Variants in EP300 observed in about 807,000 individuals in gnomAD.
EP300 encodes the protein EP300 lysine acetyltransferase.
EP300 carries 31 observed loss-of-function variants against 264.0 expected under a neutral mutation model. That is an observed-to-expected ratio of 0.12 (90% CI 0.09 to 0.16). EP300 has a LOEUF of 0.16. EP300 is among the 10% of genes least tolerant of loss of function. The pLI is 1.00. For missense variants in EP300, 2,766 were observed against 3,052.9 expected (o/e 0.91, Z 2.21); for synonymous variants, 1,340 against 1,045.4 (o/e 1.28, Z -5.44).
rs869304891 is a variant in EP300, at chr22:41,154,376, C to CTTTTTTTTTTTT, written c.3143-607_3143-596dup. On this transcript the variant is annotated intron_variant, in intron 16 of 30. Transcript: ENST00000263253. The stretch of plus-strand genomic sequence containing the variant: ...TCTTAACACGAGTATCTTGTGCACT[C>CTTTTTTTTTTTT]TTTTTTTTTTTTTTTTTTTTTTTGA... 6.0e-4 allele frequency among the ~76,000 whole-genome samples: 37 copies of CTTTTTTTTTTTT among 61,792 alleles called. 8 individuals are homozygous for CTTTTTTTTTTTT. Among genetic ancestry groups the CTTTTTTTTTTTT allele is most frequent in the Admixed American group, 2.8e-3 (8 of 2,884 alleles). The allele number at this position is 61,792 out of a possible 152,430, so 40.5% of individuals were successfully genotyped here.
intron 1 of EP300, among the ~76,000 whole-genome samples, chr22:41,099,284 C>T (rs1397822884): frequency 6.6e-6 from 1 of 151,932 alleles, no homozygotes; most frequent in South Asian, 2.1e-4. Flanking sequence ...CCACCCACCT[C>T]GGCCTCCCAA....
intron 13 of EP300, 32 bp from the exon 14 acceptor site, chr22:41,149,728 AT>A (rs1176151959): frequency 6.2e-7 from 1 of 1,606,286 alleles, no homozygotes; most frequent in East Asian, 2.2e-5. Context: ...TCTGTTCTGA[AT>A]TGCTGTCTTG....
intron 1 of EP300, among the ~76,000 whole-genome samples, chr22:41,111,627 C>T (rs9611498): frequency 6.6e-6 from 1 of 152,080 alleles, no homozygotes; most frequent in African/African-American, 2.4e-5. Context: ...ACCACAACCT[C>T]TGCCTCCCAA....
intron 29 of EP300, 30 bp from the exon 30 acceptor site, chr22:41,176,217 C>G (rs1370137469): frequency 6.2e-7 from 1 of 1,613,570 alleles, no homozygotes; most frequent in Non-Finnish European, 8.5e-7. Flanking sequence ...GAGGCCCTGT[C>G]TCAAAAAAAA....
intron 8 of EP300, among the ~76,000 whole-genome samples, chr22:41,138,406 C>T (rs1334122767): frequency 1.3e-5 from 2 of 152,110 alleles, no homozygotes; most frequent in Non-Finnish European, 1.5e-5. Flanking sequence ...TCAAGTGATC[C>T]GCCTGCCTCA....
In EP300 at chr22:41,179,877, CACTCACACACACA is replaced by C. The variant is rs747125987; in HGVS notation, c.*922_*934del. The C allele has an allele frequency of 5.5e-5, 8 of 145,728 alleles. 1 individual carries two copies. Among genetic ancestry groups the C allele is most frequent in the East Asian group, 4.7e-4 (5 of 10,734 alleles). 9.0% of individuals were successfully genotyped at this position (145,728 alleles called of 1,614,324 possible). A position where few individuals can be genotyped will look rare whatever the true frequency, so the allele number is the denominator to read the frequency against. On this transcript the variant is annotated 3_prime_UTR_variant, in exon 31 of 31. Transcript: ENST00000263253. ...CTTTCTTCCTCCTTACCCTACCCCC[CACTCACACACACA>C]CACACACACACACACACACACACAC...
At chr22:41,095,948 TCTC>T (rs1210156924) in intron 1 of EP300, among the ~76,000 whole-genome samples, 2 of 152,198 alleles carry the variant, frequency 1.3e-5, no homozygotes, top group Non-Finnish European at 2.9e-5. Context: ...ACTCAGATAT[TCTC>T]CTAAAAAATT....
At chr22:41,132,964 C>A (rs181080599) in intron 6 of EP300, among the ~76,000 whole-genome samples, 2 of 152,248 alleles carry the variant, frequency 1.3e-5, no homozygotes, top group African/African-American at 4.8e-5. Flanking sequence ...TTTTCTGTGT[C>A]TATCCCTCTG....
chr22:41,179,641 G>T lies in EP300; in HGVS notation c.*685G>T. On this transcript the variant is annotated 3_prime_UTR_variant, in exon 31 of 31. Coordinates refer to ENST00000263253, the MANE Select transcript of EP300 (RefSeq NM_001429.4). ...AAAACTTCAAGTATTAAAATAATTT[G>T]TACATGTAGAGAGAAAAATGACTTT... is the stretch of plus-strand genomic sequence containing the variant. 3 of 218,494 alleles carry T rather than the reference G, an allele frequency of 1.4e-5. No homozygotes were observed. The highest frequency in any genetic ancestry group is 2.3e-5 in the African/African-American group (1 of 44,214). 13.5% of individuals were successfully genotyped at this position (218,494 alleles called of 1,614,324 possible).
chr22:41,104,389 A>G (rs2058747167), intron 1 of EP300, among the ~76,000 whole-genome samples: 1 of 151,768 alleles, frequency 6.6e-6, no homozygotes, highest in Non-Finnish European at 1.5e-5. Flanking sequence ...TCCCCGGTTC[A>G]AGTGATTTTC....
Position 41,128,897 on chromosome 22 carries a change from G to A in EP300, c.1169-993G>A, listed in dbSNP as rs185144254. ...TGCATCATCACAGTTAACTCACTCGGTAAAGGTCGTCTTGGCTGCGTCCAT... is the reference window on the plus strand; with the variant it reads ...TGCATCATCACAGTTAACTCACTCGATAAAGGTCGTCTTGGCTGCGTCCAT... On this transcript the variant is annotated intron_variant, in intron 4 of 30. Transcript: ENST00000263253. Among the ~76,000 whole-genome samples the A allele has an allele frequency of 3.9e-5, 6 of 152,236 alleles. No homozygotes were observed. The East Asian group carries it at 7.7e-4, about 20-fold the overall frequency.
At chr22:41,101,429 T>G (rs1257109547) in intron 1 of EP300, among the ~76,000 whole-genome samples, 1 of 149,080 alleles carries the variant, frequency 6.7e-6, no homozygotes, top group African/African-American at 2.5e-5. Context: ...TTTTTTTTTT[T>G]GAGACGGAGT....
chr22:41,169,733 C>G (rs777906944), intron 26 of EP300, 117 bp downstream of exon 26: 10 of 686,154 alleles, frequency 1.5e-5, no homozygotes, highest in East Asian at 8.2e-5. Context: ...TTAGTTCTTA[C>G]GTAACAATTC....
At position 41,178,894 on chromosome 22, in the gene EP300, C is replaced by G. The variant is rs773300219; in HGVS notation, c.7183C>G (p.Leu2395Val). 1 of 1,614,216 alleles carries G rather than the reference C, an allele frequency of 6.2e-7. No individual in the cohort carries two copies. The highest frequency in any genetic ancestry group is 8.5e-7 in the Non-Finnish European group (1 of 1,180,052). Residue 2395 changes from leucine to valine, a missense_variant, in exon 31 of 31, where the codon CTC (leucine) becomes GTC (valine). Leu to Val is a conservative substitution (Grantham distance 32, BLOSUM62 1). Transcript: ENST00000263253. ...LHGASATDLG[L>V]STDNSDLNSN... ...TGGTGCAAGCGCCACGGACCTGGGA[C>G]TCAGCACCGATAACTCAGACTTGAA... is the stretch of plus-strand genomic sequence containing the variant.
Position 41,176,297 on chromosome 22 carries a change from T to A in EP300, c.4830T>A (p.Pro1610=), listed in dbSNP as rs1295722602. The change falls in exon 30 of 31, where the codon CCT becomes CCA. Residue 1610 remains proline (P), a synonymous_variant. Transcript: ENST00000263253. The part of the protein sequence containing the change: ...LIAGPAANSL[P]PIVDPDPLIP... ...CTGGCCCTGCTGCCAACTCCCTGCC[T>A]CCCATTGTTGATCCTGATCCTCTCA... 1 of 1,614,188 alleles carries A rather than the reference T, an allele frequency of 6.2e-7. No individual in the cohort carries two copies. Among genetic ancestry groups the A allele is most frequent in the East Asian group, 2.2e-5 (1 of 44,890 alleles).
intron 21 of EP300, among the ~76,000 whole-genome samples, chr22:41,163,434 CAAAAAA>C (rs763502729): frequency 2.2e-5 from 1 of 44,998 alleles, no homozygotes; most frequent in Non-Finnish European, 4.5e-5. Flanking sequence ...GACTCCGTCT[CAAAAAA>C]AAAAAAAAAA....
chr22:41,122,190 A>C (rs1344508329), intron 2 of EP300, among the ~76,000 whole-genome samples: 1 of 94,676 alleles, frequency 1.1e-5, no homozygotes, highest in African/African-American at 4.2e-5. Flanking sequence ...TTGGAGACAG[A>C]GTTTCGTTCT....
intron 2 of EP300, among the ~76,000 whole-genome samples, chr22:41,119,477 C>G (rs1035130400): frequency 3.3e-5 from 5 of 151,992 alleles, no homozygotes; most frequent in Non-Finnish European, 5.9e-5. Flanking sequence ...TATTCTGTTA[C>G]GGAGAGGAGG....
Position 41,177,635 on chromosome 22 carries a change from G to T in EP300, c.5924G>T (p.Gly1975Val), listed in dbSNP as rs1273051199. The part of the protein sequence containing the change: ...MGMNPPPMTR[G>V]PSGHLEPGMG... ...ATGAACCCACCTCCCATGACCAGAGGTCCCAGTGGGCATTTGGAGCCAGGG... is the reference window on the plus strand; with the variant it reads ...ATGAACCCACCTCCCATGACCAGAGTTCCCAGTGGGCATTTGGAGCCAGGG... The change falls in exon 31 of 31, where the codon GGT (glycine) becomes GTT (valine). Residue 1975 changes from glycine to valine, a missense_variant. Transcript: ENST00000263253. The T allele has an allele frequency of 6.2e-7, 1 of 1,614,112 alleles. No individual in the cohort carries two copies. The highest frequency in any genetic ancestry group is 1.1e-5 in the South Asian group (1 of 91,078).
Sources: allele counts gnomAD v4.1 joint callset (sites outside exome capture counted in the v4.1 genomes callset), GRCh38; gene constraint gnomAD v4.1.1; transcripts MANE v1.5; gene names NCBI Gene and HGNC (gene_info 2026-07-23, HGNC 2026-07-21).